The following SATL1 variants were observed in gnomAD, a reference collection of about 807,000 sequenced individuals.
SATL1 encodes spermidine/spermine N(1)-acetyltransferase-like protein 1.
A neutral mutation model predicts 51.8 loss-of-function variants in SATL1; 47 were observed. The observed-to-expected ratio is 0.91, with a 90% confidence interval of 0.72 to 1.16. SATL1 has a LOEUF of 1.16. SATL1 is among the 50% of genes most tolerant of loss of function. The probability of loss-of-function intolerance (pLI) is 0.00; values close to 1 mark genes in which losing one functional copy is unlikely to be tolerated. For missense variants in SATL1, 520 were observed against 526.4 expected (o/e 0.99, Z 0.12); for synonymous variants, 176 against 182.4 (o/e 0.97, Z 0.28).
chrX:85,174,766 T>C (rs1222966476), intron 2 of SATL1, among the ~76,000 whole-genome samples: 1 of 111,930 alleles, frequency 8.9e-6, no homozygotes, highest in Non-Finnish European at 1.9e-5. Flanking sequence ...GCAATAAAAA[T>C]ATAATAGATT....
intron 2 of SATL1, among the ~76,000 whole-genome samples, chrX:85,152,056 C>T (rs1817350100): frequency 1.8e-5 from 2 of 110,095 alleles, no homozygotes; most frequent in South Asian, 7.9e-4. Flanking sequence ...AAAATTTTCG[C>T]AACCTACTCA....
chrX:85,162,956 A>G (rs1007527996), intron 2 of SATL1, among the ~76,000 whole-genome samples: 4 of 109,215 alleles, frequency 3.7e-5, no homozygotes, highest in African/African-American at 1.3e-4. Context: ...TATTTTGTTG[A>G]GGATTTTTAC....
chrX:85,166,676 T>C (rs913105115), intron 2 of SATL1, among the ~76,000 whole-genome samples: 2 of 110,452 alleles, frequency 1.8e-5, no homozygotes, highest in African/African-American at 6.6e-5. Flanking sequence ...ACACTGCTGG[T>C]GGAAATGTAA....
chrX:85,123,958 T>C (rs1041493994), intron 2 of SATL1, among the ~76,000 whole-genome samples: 1 of 111,635 alleles, frequency 9.0e-6, no homozygotes, highest in African/African-American at 3.2e-5. Context: ...GATTTGGGGT[T>C]TTACTTTATA....
chrX:85,147,593 C>T (rs192622947), intron 2 of SATL1, among the ~76,000 whole-genome samples: 2 of 111,920 alleles, frequency 1.8e-5, no homozygotes, highest in South Asian at 3.7e-4. Context: ...AGACTGACAC[C>T]TCACACAGCC....
At chrX:85,150,418 C>T (rs1241068289) in intron 2 of SATL1, among the ~76,000 whole-genome samples, 5 of 109,372 alleles carry the variant, frequency 4.6e-5, no homozygotes, top group South Asian at 4.0e-4. Flanking sequence ...CCTTCTGAAA[C>T]TATTCCAATC....
chrX:85,185,378 G>T (rs1211236984), intron 2 of SATL1, among the ~76,000 whole-genome samples: 1 of 112,611 alleles, frequency 8.9e-6, no homozygotes, highest in East Asian at 2.8e-4. Flanking sequence ...ATTAGCAGGT[G>T]GCGAAGCCAG....
At chrX:85,220,644 TAAAAAAAAAAAAAAAAAAAAAAAAAAAA>T (rs57383092) in intron 2 of SATL1, among the ~76,000 whole-genome samples, 9 of 24,163 alleles carry the variant, frequency 3.7e-4, no homozygotes, top group Admixed American at 8.9e-4. Context: ...ACTTCTGTGT[TAAAAAAAAAAAAAAAAAAAAAAAAAAAA>T]AAAAAAAAAA....
chrX:85,216,667 CCATTCTGCTAGGATGGAGTCCTAAATAA>C (rs1339863345), intron 2 of SATL1, among the ~76,000 whole-genome samples: 2 of 111,329 alleles, frequency 1.8e-5, no homozygotes, highest in East Asian at 5.6e-4. Flanking sequence ...ATGGCTAGCT[CCATTCTGCTAGGATGGAGTCCTAAATAA>C]CAATGTATTC....
intron 4 of SATL1, among the ~76,000 whole-genome samples, chrX:85,098,141 T>C (rs1034162750): frequency 8.9e-6 from 1 of 111,865 alleles, no homozygotes; most frequent in Middle Eastern, 4.6e-3. Flanking sequence ...TGGAAAAAGG[T>C]ATTTCATGCA....
intron 1 of SATL1, among the ~76,000 whole-genome samples, chrX:85,232,137 A>G (rs963530648): frequency 9.2e-6 from 1 of 109,132 alleles, no homozygotes; most frequent in Admixed American, 9.9e-5. Flanking sequence ...GTGAGGCCCC[A>G]TTACAAGCCC....
chrX:85,211,872 C>A (rs1161536943), intron 2 of SATL1: 1 of 111,460 alleles, frequency 9.0e-6, no homozygotes, highest in Non-Finnish European at 1.9e-5. Context: ...TTGTCATTTC[C>A]AAAGATTAGT....
chrX:85,225,390 A>G (rs886429695), intron 1 of SATL1, among the ~76,000 whole-genome samples: 4 of 112,511 alleles, frequency 3.6e-5, no homozygotes, highest in Non-Finnish European at 7.5e-5. Flanking sequence ...TACATGGAAT[A>G]TTTCTGTATC....
At chrX:85,092,758 T>G (rs1470427232) in intron 7 of SATL1, 197 bp from the exon 8 acceptor site, 1 of 388,736 alleles carries the variant, frequency 2.6e-6, no homozygotes, top group African/African-American at 2.5e-5. Context: ...AAAGCCCTCT[T>G]TAAAATCTCA....
Position 85,120,179 on chromosome X carries a change from A to G in SATL1, c.-312-10899T>C, listed in dbSNP as rs200520041. On this transcript the variant is annotated intron_variant, in intron 2 of 7. Transcript: ENST00000644105. The stretch of plus-strand genomic sequence containing the variant: ...TTGAGAAAGCTTGTCTCTCCACAGT[A>G]TGGTTGAGGTGAAATGGGGCAGATA... Among the ~76,000 whole-genome samples, 20 of 111,250 alleles carry G rather than the reference A, an allele frequency of 1.8e-4. 1 individual carries two copies. In the South Asian group the frequency reaches 4.2e-3, roughly 23 times the overall value.
At chrX:85,190,150 T>C (rs1193938134) in intron 2 of SATL1, among the ~76,000 whole-genome samples, 1 of 112,036 alleles carries the variant, frequency 8.9e-6, no homozygotes, top group Non-Finnish European at 1.9e-5. Context: ...TAATGTAGGC[T>C]ATAGGATACA....
At chrX:85,197,669 C>T (rs188075522) in intron 2 of SATL1, among the ~76,000 whole-genome samples, 137 of 100,182 alleles carry the variant, frequency 1.4e-3, no homozygotes, top group African/African-American at 4.7e-3. Flanking sequence ...CACAACAGTC[C>T]CCAGAGTGTG....
At chrX:85,243,092 TAG>T (rs1928672502) in intron 1 of SATL1, among the ~76,000 whole-genome samples, 1 of 112,466 alleles carries the variant, frequency 8.9e-6, no homozygotes, top group Non-Finnish European at 1.9e-5. Flanking sequence ...AGTGGTATAT[TAG>T]GTTATAGAGA....
At chrX:85,200,250 C>T (rs1327073522) in intron 2 of SATL1, among the ~76,000 whole-genome samples, 2 of 111,679 alleles carry the variant, frequency 1.8e-5, no homozygotes, top group Non-Finnish European at 3.8e-5. Flanking sequence ...GTCTTCCCTT[C>T]CCCCAGAACT....
Sources: gnomAD v4.1 joint callset for allele counts (sites outside exome capture counted in the v4.1 genomes callset) on GRCh38, gnomAD v4.1.1 for gene constraint, MANE v1.5 for transcripts, NCBI Gene and HGNC (gene_info 2026-07-23, HGNC 2026-07-21) for gene names.